Variants in HUNK observed in about 807,000 individuals in gnomAD.
The protein encoded by HUNK is hormonally up-regulated neu tumor-associated kinase.
HUNK carries 21 observed loss-of-function variants against 61.0 expected under a neutral mutation model. That is an observed-to-expected ratio of 0.34 (90% CI 0.24 to 0.50). The LOEUF is 0.50. Among genes scored for constraint, HUNK ranks in the 20% least tolerant of loss-of-function variants. The probability of loss-of-function intolerance (pLI) is 0.98; values close to 1 mark genes in which losing one functional copy is unlikely to be tolerated. For missense variants in HUNK, 772 were observed against 945.7 expected, an observed-to-expected ratio of 0.82 and a Z score of 2.41; for synonymous variants, 371 against 386.1, an observed-to-expected ratio of 0.96 and a Z score of 0.46.
At chr21:31,950,775 C>T (rs1236261220) in intron 4 of HUNK, among the ~76,000 whole-genome samples, 2 of 152,050 alleles carry the variant, frequency 1.3e-5, no homozygotes, top group Non-Finnish European at 1.5e-5. Flanking sequence ...AAAATGGAAC[C>T]GATTTTCTTG....
intron 8 of HUNK, among the ~76,000 whole-genome samples, chr21:31,989,155 A>T (rs1402904596): frequency 6.6e-6 from 1 of 152,122 alleles, no homozygotes; most frequent in Non-Finnish European, 1.5e-5. Flanking sequence ...CACCAGTCAT[A>T]CTGCATTAGG....
At chr21:31,876,799 GTCCTA>G (rs1172150697) in intron 1 of HUNK, among the ~76,000 whole-genome samples, 9 of 152,082 alleles carry the variant, frequency 5.9e-5, no homozygotes, top group Admixed American at 5.9e-4. Flanking sequence ...CTTTTCTCCT[GTCCTA>G]TCTATTTATT....
intron 1 of HUNK, among the ~76,000 whole-genome samples, chr21:31,901,396 A>G (rs1191077632): frequency 6.6e-6 from 1 of 151,656 alleles, no homozygotes; most frequent in African/African-American, 2.4e-5. Context: ...TGGGAAAGCA[A>G]CTCCCGGTTT....
rs538798442 is a variant in HUNK at position 31,959,989 on chromosome 21, A to T, written c.874+1019A>T. 1.6e-4 allele frequency among the ~76,000 whole-genome samples: 24 copies of T among 152,368 alleles called. 1 individual carries two copies. In the East Asian group the frequency reaches 3.1e-3, roughly 20 times the overall value. Reference sequence around the variant, plus strand: ...GAAGATGAGTTACAGCTCTGTCATTATACAAGAAATATTTCTGCACTGAGA... The same window carrying T: ...GAAGATGAGTTACAGCTCTGTCATTTTACAAGAAATATTTCTGCACTGAGA... On this transcript the variant is annotated intron_variant, in intron 5 of 10. Transcript: ENST00000270112.
chr21:31,966,421 C>A (rs1449709827), intron 5 of HUNK, among the ~76,000 whole-genome samples: 1 of 152,130 alleles, frequency 6.6e-6, no homozygotes, highest in Non-Finnish European at 1.5e-5. Context: ...ATGTAATGAC[C>A]TATTTTCCTT....
intron 2 of HUNK, among the ~76,000 whole-genome samples, chr21:31,925,638 G>T (rs1484644517): frequency 1.3e-5 from 2 of 152,198 alleles, no homozygotes; most frequent in Non-Finnish European, 2.9e-5. Context: ...AACCAAACCA[G>T]TCTTGCAAAT....
chr21:31,903,181 A>C (rs1275540191), intron 1 of HUNK, among the ~76,000 whole-genome samples: 1 of 152,150 alleles, frequency 6.6e-6, no homozygotes, highest in Admixed American at 6.5e-5. Context: ...AGTGGGATAG[A>C]AAATCATAAA....
chr21:31,926,315 A>G (rs2052659434), intron 2 of HUNK, among the ~76,000 whole-genome samples: 1 of 152,250 alleles, frequency 6.6e-6, no homozygotes, highest in Non-Finnish European at 1.5e-5. Context: ...ACACGTGTGC[A>G]CATGTATGTT....
chr21:31,880,415 C>G (rs1009426707), intron 1 of HUNK, among the ~76,000 whole-genome samples: 1 of 152,206 alleles, frequency 6.6e-6, no homozygotes, highest in Non-Finnish European at 1.5e-5. Flanking sequence ...CAGGGCCATG[C>G]TCCCTCTGCA....
intron 5 of HUNK, among the ~76,000 whole-genome samples, chr21:31,961,986 T>C (rs563481524): frequency 6.6e-6 from 1 of 152,324 alleles, no homozygotes; most frequent in Admixed American, 6.5e-5. Flanking sequence ...ACATCTCAGT[T>C]GAGAGCTGGA....
chr21:31,903,017 C>T (rs865905745), intron 1 of HUNK, among the ~76,000 whole-genome samples: 2 of 150,370 alleles, frequency 1.3e-5, no homozygotes, highest in African/African-American at 2.4e-5. Context: ...TTTCTCGGTG[C>T]GGGAGAGAGG....
rs535709276 is a variant in HUNK, at chr21:31,999,474, G to T, written c.*290G>T. 5.2e-5 allele frequency: 20 copies of T among 385,556 alleles called. No individual in the cohort carries two copies. Among genetic ancestry groups the T allele is most frequent in the South Asian group, 1.2e-4 (2 of 16,456 alleles). The allele number at this position is 385,556 out of a possible 1,614,324, so 23.9% of individuals were successfully genotyped here. On this transcript the variant is annotated 3_prime_UTR_variant, in exon 11 of 11. Coordinates refer to ENST00000270112, the MANE Select transcript of HUNK (RefSeq NM_014586.2). The stretch of plus-strand genomic sequence containing the variant: ...CCACTTCCCACTTCCCCCAGGCTTG[G>T]GGGGAAAACAGGGCATGAGCCTTCT...
intron 1 of HUNK, among the ~76,000 whole-genome samples, chr21:31,907,898 G>A (rs554302376): frequency 6.6e-6 from 1 of 152,210 alleles, no homozygotes; most frequent in Admixed American, 6.5e-5. Flanking sequence ...GCTGAGGTGG[G>A]AGGATCACTT....
chr21:31,971,699 GCC>G (rs2053012027), intron 6 of HUNK, among the ~76,000 whole-genome samples: 1 of 152,144 alleles, frequency 6.6e-6, no homozygotes, highest in African/African-American at 2.4e-5. Flanking sequence ...AGTCATTTCA[GCC>G]TCCAAGTTGA....
chr21:31,950,807 T>C (rs1601394252), intron 4 of HUNK, among the ~76,000 whole-genome samples: 1 of 152,300 alleles, frequency 6.6e-6, no homozygotes, highest in East Asian at 1.9e-4. Flanking sequence ...ACTGTTATTA[T>C]AAAATGGCTT....
At chr21:31,883,377 A>G (rs1220301089) in intron 1 of HUNK, among the ~76,000 whole-genome samples, 2 of 152,010 alleles carry the variant, frequency 1.3e-5, no homozygotes, top group African/African-American at 4.8e-5. Context: ...TCTTATTTAC[A>G]TGGGAATTGA....
At chr21:31,907,574 T>C (rs993942996) in intron 1 of HUNK, among the ~76,000 whole-genome samples, 6 of 152,122 alleles carry the variant, frequency 3.9e-5, no homozygotes, top group African/African-American at 1.2e-4. Context: ...GTGGGGACCA[T>C]TGATGAGTTG....
intron 1 of HUNK, among the ~76,000 whole-genome samples, chr21:31,917,695 T>TACACACACACACACACACACAC (rs3056146): frequency 1.1e-5 from 1 of 94,902 alleles, no homozygotes; most frequent in Non-Finnish European, 2.1e-5. Flanking sequence ...TTCCCAAACA[T>TACACACACACACACACACACAC]ACACACACAC....
At chr21:31,953,175 C>G (rs1011621600) in intron 4 of HUNK, among the ~76,000 whole-genome samples, 1 of 151,730 alleles carries the variant, frequency 6.6e-6, no homozygotes, top group African/African-American at 2.4e-5. Context: ...AATTAAGATG[C>G]TTAATCTGGT....
Sources: gnomAD v4.1 joint callset for allele counts (sites outside exome capture counted in the v4.1 genomes callset) on GRCh38, gnomAD v4.1.1 for gene constraint, MANE v1.5 for transcripts, NCBI Gene and HGNC (gene_info 2026-07-23, HGNC 2026-07-21) for gene names.